The following GMDS variants were observed in gnomAD, a reference collection of about 807,000 sequenced individuals.
The protein encoded by GMDS is GDP-mannose 4,6 dehydratase.
In GMDS, 20 loss-of-function variants were observed where a neutral mutation model predicts 49.9. That is an observed-to-expected ratio of 0.40 (90% confidence interval 0.28 to 0.58). GMDS has a LOEUF of 0.58. Ranked by LOEUF, GMDS falls within the 20% of genes least tolerant of loss-of-function variation. The probability of loss-of-function intolerance (pLI) is 0.42; values close to 1 mark genes in which losing one functional copy is unlikely to be tolerated. For synonymous variants in GMDS, 177 were observed against 178.6 expected (o/e 0.99, Z 0.07); for missense variants, 362 against 481.4 (o/e 0.75, Z 2.32).
chr6:1,697,404 T>C (rs1228884445), intron 9 of GMDS, among the ~76,000 whole-genome samples: 2 of 152,228 alleles, frequency 1.3e-5, no homozygotes, highest in African/African-American at 4.8e-5. Flanking sequence ...GCAAGAATAA[T>C]CCTGTGCCCC....
At chr6:1,694,808 A>T (rs1275599644) in intron 9 of GMDS, among the ~76,000 whole-genome samples, 1 of 152,180 alleles carries the variant, frequency 6.6e-6, no homozygotes, top group Non-Finnish European at 1.5e-5. Flanking sequence ...GCAATAACCA[A>T]ATTTTAAACT....
chr6:2,137,918 T>C (rs1227815482), intron 1 of GMDS, among the ~76,000 whole-genome samples: 1 of 152,244 alleles, frequency 6.6e-6, no homozygotes, highest in Non-Finnish European at 1.5e-5. Context: ...AACTACTGTA[T>C]TGTACTCTGT....
At chr6:2,224,314 G>C (rs1391379253) in intron 1 of GMDS, among the ~76,000 whole-genome samples, 2 of 152,126 alleles carry the variant, frequency 1.3e-5, no homozygotes, top group Non-Finnish European at 1.5e-5. Flanking sequence ...ACAGGTGTTG[G>C]GTTACTGTGC....
At chr6:2,066,003 G>T (rs1771560403) in intron 4 of GMDS, among the ~76,000 whole-genome samples, 1 of 152,210 alleles carries the variant, frequency 6.6e-6, no homozygotes, top group South Asian at 2.1e-4. Context: ...AGGAAAAAAT[G>T]TTAAGGACAG....
chr6:1,653,537 C>T (rs1581415396), intron 9 of GMDS, among the ~76,000 whole-genome samples: 1 of 152,190 alleles, frequency 6.6e-6, no homozygotes, highest in South Asian at 2.1e-4. Context: ...GGAGAGCTCA[C>T]ATTTCCTGAT....
chr6:2,050,316 A>T (rs1770304396), intron 4 of GMDS, among the ~76,000 whole-genome samples: 1 of 152,202 alleles, frequency 6.6e-6, no homozygotes, highest in Non-Finnish European at 1.5e-5. Context: ...CACCCTCCTA[A>T]GACCAAACCA....
intron 4 of GMDS, among the ~76,000 whole-genome samples, chr6:2,036,846 T>G (rs1769335866): frequency 6.6e-6 from 1 of 152,198 alleles, no homozygotes; most frequent in African/African-American, 2.4e-5. Flanking sequence ...AGCAGTATTC[T>G]CCAAATTAAC....
At chr6:1,723,352 A>C (rs1157722424) in intron 9 of GMDS, among the ~76,000 whole-genome samples, 3 of 118,152 alleles carry the variant, frequency 2.5e-5, no homozygotes, top group Admixed American at 1.1e-4. Flanking sequence ...TTTTAGACGG[A>C]GTCTCGCTCT....
intron 7 of GMDS, among the ~76,000 whole-genome samples, chr6:1,843,690 C>T (rs1757249793): frequency 6.6e-6 from 1 of 152,176 alleles, no homozygotes; most frequent in African/African-American, 2.4e-5. Context: ...ATCACTTGAA[C>T]CCATGAGGTG....
chr6:2,201,721 G>A (rs1286424464), intron 1 of GMDS, among the ~76,000 whole-genome samples: 2 of 119,354 alleles, frequency 1.7e-5, no homozygotes, highest in African/African-American at 6.4e-5. Context: ...AACCATCTAG[G>A]CAGTGAGGGC....
At chr6:2,105,260 A>G (rs1271170989) in intron 4 of GMDS, among the ~76,000 whole-genome samples, 1 of 152,098 alleles carries the variant, frequency 6.6e-6, no homozygotes, top group East Asian at 1.9e-4. Flanking sequence ...GCAAATGCAA[A>G]GCAAACAGAT....
chr6:2,147,264 A>G (rs898805237), intron 1 of GMDS, among the ~76,000 whole-genome samples: 7 of 152,344 alleles, frequency 4.6e-5, no homozygotes, highest in Admixed American at 3.3e-4. Context: ...CGATGGTCTG[A>G]AACAAATCAT....
At chr6:1,917,269 C>G (rs1457924117) in intron 7 of GMDS, among the ~76,000 whole-genome samples, 1 of 152,128 alleles carries the variant, frequency 6.6e-6, no homozygotes, top group African/African-American at 2.4e-5. Flanking sequence ...AAAATCAGCC[C>G]AGAAACATGG....
intron 8 of GMDS, among the ~76,000 whole-genome samples, chr6:1,728,613 A>C (rs1017103072): frequency 2.0e-5 from 3 of 152,148 alleles, no homozygotes; most frequent in Non-Finnish European, 2.9e-5. Context: ...ATCACACACA[A>C]ACACACACAC....
At chr6:1,957,484 G>A (rs920308341) in intron 6 of GMDS, among the ~76,000 whole-genome samples, 8 of 152,170 alleles carry the variant, frequency 5.3e-5, no homozygotes, top group African/African-American at 1.4e-4. Context: ...TCATTTTCAC[G>A]TACATCTCTT....
At position 1,658,070 on chromosome 6, in the gene GMDS, T is replaced by A. The variant is rs573094386; in HGVS notation, c.988-33530A>T. Among the ~76,000 whole-genome samples, 7 of 152,284 alleles carry A rather than the reference T, an allele frequency of 4.6e-5. No homozygotes were observed. The East Asian group carries it at 1.2e-3, about 25-fold the overall frequency. ...CCGGGGGTGTGTGTTTGCAAATAGA[T>A]ACCTGAATGATTATCTAGAAAACGT... On this transcript the variant is annotated intron_variant, in intron 9 of 10. Transcript: ENST00000380815.
intron 4 of GMDS, among the ~76,000 whole-genome samples, chr6:2,060,962 G>A (rs528444189): frequency 6.6e-6 from 1 of 151,942 alleles, no homozygotes; most frequent in African/African-American, 2.4e-5. Flanking sequence ...GGAGGTTGCG[G>A]TGAGCCAAGA....
chr6:1,667,077 C>T (rs1203365467), intron 9 of GMDS, among the ~76,000 whole-genome samples: 1 of 152,186 alleles, frequency 6.6e-6, no homozygotes, highest in Non-Finnish European at 1.5e-5. Flanking sequence ...GCTGTGCCCA[C>T]CCCATGCCTC....
At chr6:1,878,459 A>G (rs1453615378) in intron 7 of GMDS, among the ~76,000 whole-genome samples, 2 of 152,160 alleles carry the variant, frequency 1.3e-5, no homozygotes, top group African/African-American at 4.8e-5. Context: ...TGACAACCAA[A>G]GGGGGATTCT....
Sources: allele counts gnomAD v4.1 joint callset (sites outside exome capture counted in the v4.1 genomes callset), GRCh38; gene constraint gnomAD v4.1.1; transcripts MANE v1.5; gene names NCBI Gene and HGNC (gene_info 2026-07-23, HGNC 2026-07-21).